Variants in GALNT7 observed in about 807,000 individuals in gnomAD.
GALNT7 encodes the protein N-acetylgalactosaminyltransferase 7.
GALNT7 carries 60 observed loss-of-function variants against 82.1 expected under a neutral mutation model. That is an observed-to-expected ratio of 0.73 (90% CI 0.59 to 0.91). GALNT7 has a LOEUF of 0.91. Among genes scored for constraint, GALNT7 ranks in the 40% least tolerant of loss-of-function variants. The pLI is 0.00. For missense variants in GALNT7, 660 were observed against 804.2 expected (o/e 0.82, Z 2.17); for synonymous variants, 243 against 275.1 (o/e 0.88, Z 1.15).
intron 2 of GALNT7, among the ~76,000 whole-genome samples, chr4:173,271,623 A>AT (rs2126789542): frequency 6.6e-6 from 1 of 151,940 alleles, no homozygotes; most frequent in African/African-American, 2.4e-5. Flanking sequence ...GGCGTGGCTA[A>AT]TTTTTGTATT....
At chr4:173,183,818 G>A (rs551433193) in intron 1 of GALNT7, among the ~76,000 whole-genome samples, 2 of 151,014 alleles carry the variant, frequency 1.3e-5, no homozygotes, top group African/African-American at 2.4e-5. Flanking sequence ...CTGGCCGGGC[G>A]GGGACTGTCC....
chr4:173,178,885 C>T (rs1732160891), intron 1 of GALNT7, among the ~76,000 whole-genome samples: 1 of 152,166 alleles, frequency 6.6e-6, no homozygotes, highest in Non-Finnish European at 1.5e-5. Context: ...AAGTCACATA[C>T]TATCGGAAAC....
intron 1 of GALNT7, among the ~76,000 whole-genome samples, chr4:173,228,933 G>A (rs1417994817): frequency 6.6e-6 from 1 of 152,172 alleles, no homozygotes; most frequent in African/African-American, 2.4e-5. Flanking sequence ...CCAAAATTGA[G>A]GATGCCTTTC....
intron 2 of GALNT7, among the ~76,000 whole-genome samples, chr4:173,265,619 CTG>C (rs1735457107): frequency 1.4e-5 from 2 of 138,576 alleles, no homozygotes; most frequent in Admixed American, 7.1e-5. Flanking sequence ...CTCTCTCTCT[CTG>C]TCTCTGTCTC....
At chr4:173,262,371 G>A (rs774585442) in intron 2 of GALNT7, among the ~76,000 whole-genome samples, 4 of 152,160 alleles carry the variant, frequency 2.6e-5, no homozygotes, top group Non-Finnish European at 4.4e-5. Context: ...AATATCAGGA[G>A]TTGGTCATTT....
At chr4:173,312,784 G>A (rs1737435753) in intron 8 of GALNT7, among the ~76,000 whole-genome samples, 1 of 152,108 alleles carries the variant, frequency 6.6e-6, no homozygotes, top group Admixed American at 6.5e-5. Flanking sequence ...TGGGGTCGGG[G>A]GCAATGGCTC....
At chr4:173,184,508 G>C (rs1056379124) in intron 1 of GALNT7, among the ~76,000 whole-genome samples, 2 of 151,754 alleles carry the variant, frequency 1.3e-5, no homozygotes, top group African/African-American at 2.4e-5. Context: ...TGAGGCAGGA[G>C]AATCAGGCAG....
rs772929696 is a variant in GALNT7 at position 173,248,337 on chromosome 4, T to C, written c.484T>C (p.Phe162Leu). The C allele has an allele frequency of 1.4e-5, 23 of 1,613,842 alleles. No individual in the cohort carries two copies. The highest frequency in any genetic ancestry group is 7.7e-5 in the South Asian group (7 of 91,078). ...CAAGCCATTGGTTTTGGGACCAGAA[T>C]TCAAACAAGCAATTCAAGCCAGCAT... ...KAKPLVLGPEFKQAIQASIKE... is the reference protein window; with the variant it reads ...KAKPLVLGPELKQAIQASIKE... Residue 162 changes from phenylalanine to leucine, a missense_variant, in exon 2 of 12, where the codon TTC (phenylalanine) becomes CTC (leucine). Coordinates refer to ENST00000265000, the MANE Select transcript of GALNT7 (RefSeq NM_017423.3).
chr4:173,180,060 T>G (rs1246161603), intron 1 of GALNT7, among the ~76,000 whole-genome samples: 1 of 152,178 alleles, frequency 6.6e-6, no homozygotes, highest in Non-Finnish European at 1.5e-5. Flanking sequence ...CCAGGATATA[T>G]AAAAGATATC....
chr4:173,293,673 G>A (rs1371087635), intron 3 of GALNT7, among the ~76,000 whole-genome samples: 2 of 152,154 alleles, frequency 1.3e-5, no homozygotes, highest in Non-Finnish European at 2.9e-5. Flanking sequence ...GTGTGCATCA[G>A]CTAACTGCGA....
chr4:173,296,181 C>T (rs1736710855), intron 5 of GALNT7, among the ~76,000 whole-genome samples: 1 of 152,134 alleles, frequency 6.6e-6, no homozygotes, highest in South Asian at 2.1e-4. Flanking sequence ...ACTTGAGGAA[C>T]CATGCTTTGA....
At chr4:173,307,616 G>A (rs1406073588) in intron 8 of GALNT7, among the ~76,000 whole-genome samples, 2 of 152,238 alleles carry the variant, frequency 1.3e-5, no homozygotes, top group African/African-American at 4.8e-5. Context: ...CAGCTCCTGA[G>A]TTGGGGTGGG....
chr4:173,246,044 G>A (rs899607286), intron 1 of GALNT7, among the ~76,000 whole-genome samples: 2 of 152,130 alleles, frequency 1.3e-5, no homozygotes, highest in Non-Finnish European at 1.5e-5. Flanking sequence ...TATTTAGGGG[G>A]GAACTTGTGA....
At chr4:173,237,019 A>T (rs1472034649) in intron 1 of GALNT7, among the ~76,000 whole-genome samples, 1 of 152,196 alleles carries the variant, frequency 6.6e-6, no homozygotes, top group Non-Finnish European at 1.5e-5. Flanking sequence ...AATGTCAAAA[A>T]GTTTATTACA....
chr4:173,212,039 C>T (rs1733298794), intron 1 of GALNT7, among the ~76,000 whole-genome samples: 1 of 152,178 alleles, frequency 6.6e-6, no homozygotes, highest in Non-Finnish European at 1.5e-5. Flanking sequence ...AGGTGAGTCA[C>T]AGTGGCTTTC....
intron 2 of GALNT7, among the ~76,000 whole-genome samples, chr4:173,289,423 A>G (rs1419808317): frequency 6.6e-6 from 1 of 152,186 alleles, no homozygotes; most frequent in East Asian, 1.9e-4. Context: ...TAAGAGAGAG[A>G]AGAAATGCTC....
intron 1 of GALNT7, among the ~76,000 whole-genome samples, chr4:173,182,738 TACACACACACAC>T (rs35300617): frequency 8.6e-6 from 1 of 115,682 alleles, no homozygotes; most frequent in Non-Finnish European, 1.7e-5. Flanking sequence ...TTACTCTTAA[TACACACACACAC>T]ACACACACAC....
chr4:173,240,270 A>G lies in GALNT7; in HGVS notation c.127-7710A>G, dbSNP rs573772833. Among the ~76,000 whole-genome samples the G allele has an allele frequency of 3.9e-4, 60 of 152,204 alleles. No individual in the cohort carries two copies. The East Asian group carries it at 6.2e-3, about 16-fold the overall frequency. On this transcript the variant is annotated intron_variant, in intron 1 of 11. Transcript: ENST00000265000. ...CCACCAGAAAGTATATTCACTCACA[A>G]TGTCCAATGATCTGAGATTAAATGT...
chr4:173,212,015 T>A (rs1406277507), intron 1 of GALNT7, among the ~76,000 whole-genome samples: 2 of 152,194 alleles, frequency 1.3e-5, no homozygotes, highest in Non-Finnish European at 2.9e-5. Flanking sequence ...TGTAATTTAA[T>A]GGGAGTTCTT....
Sources: gnomAD v4.1 joint callset for allele counts (sites outside exome capture counted in the v4.1 genomes callset) on GRCh38, gnomAD v4.1.1 for gene constraint, MANE v1.5 for transcripts, NCBI Gene and HGNC (gene_info 2026-07-23, HGNC 2026-07-21) for gene names.